The following SYCE1 variants were observed in gnomAD, a reference collection of about 807,000 sequenced individuals.
SYCE1 encodes cancer/testis antigen 76.
A neutral mutation model predicts 55.1 loss-of-function variants in SYCE1; 37 were observed. The ratio of observed to expected loss-of-function variants is 0.67; its 90% CI spans 0.52 to 0.88. The LOEUF (loss-of-function observed/expected upper bound fraction) is 0.88, where lower values mean the gene tolerates loss of function less well. SYCE1 is among the 40% of genes least tolerant of loss of function. The pLI is 0.00. For synonymous variants in SYCE1, 163 were observed against 159.4 expected, an observed-to-expected ratio of 1.02 and a Z score of -0.17; for missense variants, 399 against 416.4, an observed-to-expected ratio of 0.96 and a Z score of 0.36.
intron 1 of SYCE1, among the ~76,000 whole-genome samples, chr10:133,563,028 G>A (rs144721715): frequency 9.8e-4 from 150 of 152,366 alleles, no homozygotes; most frequent in Non-Finnish European, 1.7e-3. Context: ...ACCAAAGTTT[G>A]TAACAGTTTT....
chr10:133,556,073 C>T (rs986285362), intron 8 of SYCE1, 26 bp from the exon 9 acceptor site: 2 of 1,610,818 alleles, frequency 1.2e-6, no homozygotes, highest in African/African-American at 2.7e-5. Flanking sequence ...GAGGCCTGTC[C>T]ACTCCTCTTG....
Position 133,556,063 on chromosome 10 carries a change from G to A in SYCE1, c.529-16C>T. On this transcript the variant is annotated splice_polypyrimidine_tract_variant and intron_variant, in intron 8 of 12. Transcript: ENST00000343131. ...GCTCTGGCATCTGAGGGGCAGAAAA[G>A]AGGCCTGTCCACTCCTCTTGGCTTT... The A allele has an allele frequency of 6.2e-7, 1 of 1,612,356 alleles. No individual in the cohort carries two copies. Among genetic ancestry groups the A allele is most frequent in the Non-Finnish European group, 8.5e-7 (1 of 1,179,974 alleles).
At chr10:133,559,493 T>A in intron 2 of SYCE1, 133 bp from the exon 3 acceptor site, 1 of 795,516 alleles carries the variant, frequency 1.3e-6, no homozygotes, top group South Asian at 1.6e-5. Flanking sequence ...TGTGGGGCCC[T>A]CACGGGGCTC....
chr10:133,560,330 G>T, intron 1 of SYCE1, 177 bp from the exon 2 acceptor site: 1 of 541,162 alleles, frequency 1.8e-6, no homozygotes, highest in Non-Finnish European at 3.3e-6. Flanking sequence ...TTCCCTATAA[G>T]GTAAAATTAT....
At chr10:133,567,274 T>G (rs1360632816), upstream of SYCE1, among the ~76,000 whole-genome samples, 3 of 151,508 alleles carry the variant, frequency 2.0e-5, no homozygotes, top group Non-Finnish European at 2.9e-5. Flanking sequence ...GGGTTGGGGC[T>G]AGGGCTTAGG....
chr10:133,555,243 T>C lies in SYCE1; in HGVS notation c.918+108A>G, dbSNP rs142455966. The C allele has an allele frequency of 6.9e-5, 108 of 1,569,824 alleles. No homozygotes were observed. The East Asian group carries it at 2.3e-3, about 33-fold the overall frequency. On this transcript the variant is annotated intron_variant, in intron 12 of 12. Coordinates refer to ENST00000343131, the MANE Select transcript of SYCE1 (RefSeq NM_001143764.3). ...CCCAGTATGGGAAAGGCCCTCCCCA[T>C]AGACCATCCTCTGAGGAGTCCCAGG...
upstream of SYCE1, chr10:133,567,896 C>A (rs777997685): frequency 4.0e-6 from 2 of 501,316 alleles, no homozygotes; most frequent in Admixed American, 2.3e-5. Context: ...GAGGCTGAGG[C>A]GGCGTGGGCA....
At chr10:133,560,180 G>C in intron 1 of SYCE1, 27 bp from the exon 2 acceptor site, 1 of 1,611,812 alleles carries the variant, frequency 6.2e-7, no homozygotes, top group Non-Finnish European at 8.5e-7. Context: ...AAACATTTCA[G>C]AATCAAGCAG....
chr10:133,561,312 T>A (rs2133625625), intron 1 of SYCE1: 1 of 152,348 alleles, frequency 6.6e-6, no homozygotes, highest in African/African-American at 2.4e-5. Context: ...ATCCTATCAG[T>A]GCTTGCTAGC....
chr10:133,562,724 GTTTT>G (rs1199295266), intron 1 of SYCE1, among the ~76,000 whole-genome samples: 1 of 152,100 alleles, frequency 6.6e-6, no homozygotes, highest in Non-Finnish European at 1.5e-5. Context: ...TTTTTTTAAT[GTTTT>G]TTAAGTACAC....
chr10:133,561,679 GTCTTAATTTTTCC>G (rs1851817824), intron 1 of SYCE1, among the ~76,000 whole-genome samples: 3 of 152,150 alleles, frequency 2.0e-5, no homozygotes, highest in Admixed American at 2.0e-4. Flanking sequence ...CAACCAGCTG[GTCTTAATTTTTCC>G]TTATCATTAG....
chr10:133,559,190 G>A (rs1851762163), intron 3 of SYCE1, 111 bp downstream of exon 3: 4 of 1,221,784 alleles, frequency 3.3e-6, no homozygotes, highest in African/African-American at 3.0e-5. Context: ...TGCTGTTGCT[G>A]TTGTGAATAA....
chr10:133,558,983 G>C, intron 3 of SYCE1, 32 bp from the exon 4 acceptor site: 1 of 1,592,442 alleles, frequency 6.3e-7, no homozygotes, highest in Non-Finnish European at 8.6e-7. Context: ...CATTGTGTGA[G>C]TGCAGCCTCT....
intron 10 of SYCE1, 30 bp downstream of exon 10, chr10:133,555,750 C>A: frequency 6.2e-7 from 1 of 1,610,088 alleles, no homozygotes; most frequent in Non-Finnish European, 8.5e-7. Context: ...GCCACTCCCT[C>A]CTCCCACCCT....
chr10:133,568,273 G>T, upstream of SYCE1: 1 of 1,420,946 alleles, frequency 7.0e-7, no homozygotes, highest in Non-Finnish European at 9.6e-7. Flanking sequence ...GGGTCCCGCG[G>T]CCCTTCTCCA....
upstream of SYCE1, among the ~76,000 whole-genome samples, chr10:133,567,132 AGGTTAG>A (rs1225114557): frequency 7.3e-6 from 1 of 136,662 alleles, no homozygotes; most frequent in African/African-American, 2.8e-5. Context: ...TTATGAGTTG[AGGTTAG>A]GGTTAGGGGT....
In SYCE1 at chr10:133,555,048, T is replaced by C. The variant is rs1422244673; in HGVS notation, c.1000A>G (p.Thr334Ala). 4 of 1,551,524 alleles carry C rather than the reference T, an allele frequency of 2.6e-6. No homozygotes were observed. Among genetic ancestry groups the C allele is most frequent in the Admixed American group, 2.0e-5 (1 of 50,980 alleles). ...CTTGGGCTAAGGTCGGGGTGGAGTG[T>C]GTCCTCCTGGCCTATGAGGACATCA... ...GPDVLIGQEDTLHPDLSPRGF... is the reference protein window; with the variant it reads ...GPDVLIGQEDALHPDLSPRGF... Residue 334 changes from threonine (T) to alanine (A), a missense_variant, in exon 13 of 13, where the codon ACA becomes GCA. Transcript: ENST00000343131.
At chr10:133,568,150 C>G, upstream of SYCE1, 2 of 869,536 alleles carry the variant, frequency 2.3e-6, no homozygotes, top group Admixed American at 2.0e-5. Flanking sequence ...CACAGAGGCA[C>G]AGGCCGCCCG....
At chr10:133,562,571 A>G (rs1350053661) in intron 1 of SYCE1, among the ~76,000 whole-genome samples, 1 of 152,168 alleles carries the variant, frequency 6.6e-6, no homozygotes, top group Admixed American at 6.5e-5. Context: ...TGTATCCCCA[A>G]GAGTGTAAAC....
Sources: gnomAD v4.1 joint callset for allele counts (sites outside exome capture counted in the v4.1 genomes callset) on GRCh38, gnomAD v4.1.1 for gene constraint, MANE v1.5 for transcripts, NCBI Gene and HGNC (gene_info 2026-07-23, HGNC 2026-07-21) for gene names.